The following ADAM7 variants were observed in gnomAD, a reference collection of about 807,000 sequenced individuals.
ADAM7 encodes the protein disintegrin and metalloproteinase domain-containing protein 7.
Under a neutral mutation model 102.9 loss-of-function variants are expected in ADAM7, and 97 were observed. That is an observed-to-expected ratio of 0.94 (90% CI 0.80 to 1.12). The LOEUF (loss-of-function observed/expected upper bound fraction) is 1.12, where lower values mean the gene tolerates loss of function less well. Among genes scored for constraint, ADAM7 ranks in the 50% most tolerant of loss-of-function variants. ADAM7 has a pLI of 0.00. For synonymous variants in ADAM7, 334 were observed against 304.4 expected, an observed-to-expected ratio of 1.10 and a Z score of -1.01; for missense variants, 991 against 908.7, an observed-to-expected ratio of 1.09 and a Z score of -1.16.
intron 1 of ADAM7, among the ~76,000 whole-genome samples, chr8:24,441,960 G>A (rs1818388524): frequency 6.6e-6 from 1 of 152,110 alleles, no homozygotes; most frequent in Admixed American, 6.5e-5. Flanking sequence ...GATCACCTGA[G>A]GTCAGGAGTT....
chr8:24,442,575 T>G lies in ADAM7; in HGVS notation c.155T>G (p.Leu52Arg). The stretch of plus-strand genomic sequence containing the variant: ...GGACACACCCATGATGATGACATAC[T>G]GGTACAAGTTTTGATTTAGTAAATA... ...DTGHTHDDDI[L>R]KTYEEELLYE... The change falls in exon 2 of 22, where the codon CTG (leucine) becomes CGG (arginine). Residue 52 changes from leucine to arginine, a missense_variant and splice_region_variant. By Grantham distance (102) the Leu-to-Arg change is moderately radical. Coordinates refer to ENST00000175238, the MANE Select transcript of ADAM7 (RefSeq NM_003817.4). 1 of 1,611,406 alleles carries G rather than the reference T, an allele frequency of 6.2e-7. No individual in the cohort carries two copies. Among genetic ancestry groups the G allele is most frequent in the Non-Finnish European group, 8.5e-7 (1 of 1,177,488 alleles).
chr8:24,454,624 C>T (rs552197508), intron 3 of ADAM7, among the ~76,000 whole-genome samples: 7 of 152,274 alleles, frequency 4.6e-5, no homozygotes, highest in South Asian at 2.1e-4. Flanking sequence ...GGCAATGCCT[C>T]GCCCTGCTTC....
At chr8:24,457,421 A>G (rs1286839185) in intron 3 of ADAM7, among the ~76,000 whole-genome samples, 1 of 152,038 alleles carries the variant, frequency 6.6e-6, no homozygotes, top group Admixed American at 6.6e-5. Flanking sequence ...GACTGCAGGC[A>G]TCCACCACCA....
intron 3 of ADAM7, among the ~76,000 whole-genome samples, chr8:24,448,256 C>G (rs1818641019): frequency 6.6e-6 from 1 of 152,138 alleles, no homozygotes; most frequent in Non-Finnish European, 1.5e-5. Flanking sequence ...TCACAATACT[C>G]ATAAGCACAT....
At chr8:24,457,692 TTTTAA>T (rs1449036519) in intron 3 of ADAM7, among the ~76,000 whole-genome samples, 6 of 152,164 alleles carry the variant, frequency 3.9e-5, no homozygotes, top group Non-Finnish European at 7.3e-5. Flanking sequence ...TTTAAATAAA[TTTTAA>T]TTTATCAGTT....
chr8:24,459,826 C>T (rs566552665), intron 3 of ADAM7, among the ~76,000 whole-genome samples: 83 of 151,948 alleles, frequency 5.5e-4, no homozygotes, highest in African/African-American at 1.6e-3. Context: ...TGTCTTTTAT[C>T]GTTTGTATTA....
At chr8:24,453,257 GT>G (rs1251228068) in intron 3 of ADAM7, among the ~76,000 whole-genome samples, 1 of 151,770 alleles carries the variant, frequency 6.6e-6, no homozygotes, top group Non-Finnish European at 1.5e-5. Context: ...TTCCAACTTG[GT>G]TCCATTCTCC....
Position 24,487,294 on chromosome 8 carries a change from A to G in ADAM7, c.1068A>G (p.Lys356=). Residue 356 remains lysine (K), a synonymous_variant, in exon 11 of 22, where the codon AAA becomes AAG. Coordinates refer to ENST00000175238, the MANE Select transcript of ADAM7 (RefSeq NM_003817.4). The part of the protein sequence containing the change: ...DEFPCTCPSG[K]CVMDSDGSIP... ...TCCCATGCACCTGTCCTTCAGGAAAATGCGTGATGGACAGTGATGGAAGGT... is the reference window on the plus strand; with the variant it reads ...TCCCATGCACCTGTCCTTCAGGAAAGTGCGTGATGGACAGTGATGGAAGGT... 9 of 1,613,806 alleles carry G rather than the reference A, an allele frequency of 5.6e-6. No homozygotes were observed. Among genetic ancestry groups the G allele is most frequent in the Non-Finnish European group, 7.6e-6 (9 of 1,179,820 alleles).
At chr8:24,456,452 T>C (rs1320513393) in intron 3 of ADAM7, among the ~76,000 whole-genome samples, 2 of 152,186 alleles carry the variant, frequency 1.3e-5, no homozygotes, top group Non-Finnish European at 2.9e-5. Flanking sequence ...GGAGACATCT[T>C]TCCCACATAG....
At chr8:24,478,371 A>T (rs1819839458) in intron 8 of ADAM7, among the ~76,000 whole-genome samples, 1 of 152,122 alleles carries the variant, frequency 6.6e-6, no homozygotes, top group South Asian at 2.1e-4. Context: ...CTGCTGCTTC[A>T]AATTACTAGA....
intron 3 of ADAM7, among the ~76,000 whole-genome samples, chr8:24,457,212 T>C (rs1819066315): frequency 6.6e-6 from 1 of 152,224 alleles, no homozygotes; most frequent in Non-Finnish European, 1.5e-5. Flanking sequence ...GCTTATTTGA[T>C]CATTTGTATA....
intron 9 of ADAM7, among the ~76,000 whole-genome samples, chr8:24,484,570 A>G (rs551736169): frequency 9.9e-5 from 15 of 152,284 alleles, no homozygotes; most frequent in Admixed American, 2.6e-4. Flanking sequence ...ACATTTTTCA[A>G]TTGTAGCTAA....
Position 24,493,080 on chromosome 8 carries a change from G to A in ADAM7, c.1693G>A (p.Glu565Lys). 6.2e-7 allele frequency: 1 copy of A among 1,609,368 alleles called. No homozygotes were observed. Among genetic ancestry groups the A allele is most frequent in the Non-Finnish European group, 8.5e-7 (1 of 1,178,116 alleles). Residue 565 changes from glutamate to lysine, a missense_variant, in exon 16 of 22, where the codon GAG (glutamate) becomes AAG (lysine). Transcript: ENST00000175238. ...RCGKIYCTGG[E>K]LSSLLGEDKT... ...TGGAAAGATCTACTGCACTGGAGGG[G>A]AGCTTTCCTCTCTCCTTGGAGAAGA...
chr8:24,457,205 T>A (rs970026908), intron 3 of ADAM7, among the ~76,000 whole-genome samples: 2 of 152,228 alleles, frequency 1.3e-5, no homozygotes, highest in African/African-American at 4.8e-5. Flanking sequence ...TTTATGTGCT[T>A]ATTTGATCAT....
At chr8:24,505,720 A>G (rs565732633) in intron 20 of ADAM7, among the ~76,000 whole-genome samples, 2 of 152,232 alleles carry the variant, frequency 1.3e-5, no homozygotes, top group East Asian at 3.9e-4. Flanking sequence ...TTGTATTAAT[A>G]TTTACTGGGG....
intron 20 of ADAM7, among the ~76,000 whole-genome samples, chr8:24,502,251 A>G (rs1820788106): frequency 6.6e-6 from 1 of 152,098 alleles, no homozygotes. Context: ...ACGTGCCAAA[A>G]CATGCAGGTG....
chr8:24,482,069 A>G (rs545945948), intron 8 of ADAM7, 73 bp from the exon 9 acceptor site: 3 of 1,101,872 alleles, frequency 2.7e-6, no homozygotes, highest in South Asian at 3.5e-5. Flanking sequence ...GGGGAAATGT[A>G]AAGGAATATA....
chr8:24,495,191 C>T (rs939633420), intron 16 of ADAM7, among the ~76,000 whole-genome samples: 6 of 152,128 alleles, frequency 3.9e-5, no homozygotes, highest in African/African-American at 1.2e-4. Flanking sequence ...TGAATAAGAT[C>T]CTATAGCTCA....
intron 14 of ADAM7, 72 bp from the exon 15 acceptor site, chr8:24,492,423 A>G (rs1390098434): frequency 1.8e-6 from 2 of 1,119,132 alleles, no homozygotes; most frequent in South Asian, 1.6e-5. Flanking sequence ...ATTACATTAG[A>G]AAAATAAGGT....
Sources: allele counts gnomAD v4.1 joint callset (sites outside exome capture counted in the v4.1 genomes callset), GRCh38; gene constraint gnomAD v4.1.1; transcripts MANE v1.5; gene names NCBI Gene and HGNC (gene_info 2026-07-23, HGNC 2026-07-21).